Variants in FBXL12 observed in about 807,000 individuals in gnomAD.
FBXL12 encodes the protein F-box/LRR-repeat protein 12.
A neutral mutation model predicts 24.9 loss-of-function variants in FBXL12; 22 were observed. The ratio of observed to expected loss-of-function variants is 0.88; its 90% CI spans 0.63 to 1.26. The LOEUF (loss-of-function observed/expected upper bound fraction) is 1.26. FBXL12 is among the 50% of genes most tolerant of loss of function. FBXL12 has a pLI of 0.00. For synonymous variants in FBXL12, 193 were observed against 193.8 expected, an observed-to-expected ratio of 1.00 and a Z score of 0.03; for missense variants, 384 against 434.1, an observed-to-expected ratio of 0.88 and a Z score of 1.03.
chr19:9,818,952 A>T lies in FBXL12; in HGVS notation c.-139T>A, dbSNP rs1490997876. ...TTGACCTTCCTCTCGCTGGGAAGTG[A>T]TTCGGTCCCAGGGCCGGACCAGCCG... On this transcript the variant is annotated 5_prime_UTR_variant, in exon 1 of 3. Coordinates refer to ENST00000247977, the MANE Select transcript of FBXL12 (RefSeq NM_017703.3). 1.2e-6 allele frequency: 1 copy of T among 809,768 alleles called. No individual in the cohort carries two copies. Among genetic ancestry groups the T allele is most frequent in the Non-Finnish European group, 2.0e-6 (1 of 508,024 alleles). 50.2% of individuals were successfully genotyped at this position (809,768 alleles called of 1,614,324 possible). A position where few individuals can be genotyped will look rare whatever the true frequency, so the allele number is the denominator to read the frequency against.
intron 2 of FBXL12, chr19:9,813,329 GGT>G (rs1312740151): frequency 9.2e-7 from 1 of 1,087,816 alleles, no homozygotes; most frequent in Non-Finnish European, 1.2e-6. Flanking sequence ...TGCTTACAAA[GGT>G]GTTTCTTTTC....
rs1178478048 is a variant in FBXL12 at position 9,818,853 on chromosome 19, C to G, written c.-40G>C. The G allele has an allele frequency of 3.9e-6, 6 of 1,524,636 alleles. No homozygotes were observed. Among genetic ancestry groups the G allele is most frequent in the Middle Eastern group, 1.7e-4 (1 of 5,918 alleles). 94.4% of individuals were successfully genotyped at this position (1,524,636 alleles called of 1,614,324 possible). A position where few individuals can be genotyped will look rare whatever the true frequency, so the allele number is the denominator to read the frequency against. On this transcript the variant is annotated 5_prime_UTR_variant, in exon 1 of 3. Coordinates refer to ENST00000247977, the MANE Select transcript of FBXL12 (RefSeq NM_017703.3). ...GCACTTCCGCTTCCGGTTAAAGAGA[C>G]CCGAGGGGTCCTGGGGGCGCCGAGG...
rs949935287 is a variant in FBXL12 at position 9,811,308 on chromosome 19, G to A, written c.569C>T (p.Thr190Ile). The A allele has an allele frequency of 3.1e-6, 5 of 1,608,924 alleles. No individual in the cohort carries two copies. The highest frequency in any genetic ancestry group is 4.2e-6 in the Non-Finnish European group (5 of 1,179,976). ...CAGGCCAGCATCCAGCCCTGTCTCGGTCACACGGTAGGTACCACCCAGCAC... is the reference window on the plus strand; with the variant it reads ...CAGGCCAGCATCCAGCCCTGTCTCGATCACACGGTAGGTACCACCCAGCAC... ...SLVLGGTYRV[T>I]ETGLDAGLQE... The change falls in exon 3 of 3, where the codon ACC (threonine) becomes ATC (isoleucine). Residue 190 changes from threonine to isoleucine, a missense_variant. Transcript: ENST00000247977. The surrounding 1 kb of genome is among the most constrained non-coding windows in gnomAD (Gnocchi z 6.0).
chr19:9,815,023 C>T (rs1329005408), intron 2 of FBXL12, among the ~76,000 whole-genome samples: 6 of 152,118 alleles, frequency 3.9e-5, no homozygotes, highest in Admixed American at 3.3e-4. Flanking sequence ...CAGCATTAAC[C>T]CAAAAGTCCA....
rs150151717 is a variant in FBXL12, at chr19:9,810,917, C to G, written c.960G>C (p.Glu320Asp). Residue 320 changes from glutamate (E) to aspartate (D), a missense_variant, in exon 3 of 3, where the codon GAG becomes GAC. Transcript: ENST00000247977. ...CMVIVRACPK[E>D]SMDWWM ...GTAGTTACATCCACCAGTCCATAGA[C>G]TCTTTGGGGCAAGCCCTGACGATGA... 1.3e-4 allele frequency: 207 copies of G among 1,593,656 alleles called. No homozygotes were observed. The African/African-American group carries it at 2.6e-3, about 20-fold the overall frequency.
At chr19:9,817,004 C>T (rs1304444911) in intron 2 of FBXL12, among the ~76,000 whole-genome samples, 2 of 152,152 alleles carry the variant, frequency 1.3e-5, no homozygotes, top group Admixed American at 6.6e-5. Context: ...TCTTGTGAGA[C>T]TTATTCACTA....
At chr19:9,813,402 T>A (rs2045805211) in intron 2 of FBXL12, 1 of 467,228 alleles carries the variant, frequency 2.1e-6, no homozygotes, top group Admixed American at 4.6e-5. Context: ...AATGGCACGA[T>A]CTCAGTCACC....
In FBXL12 at chr19:9,811,573, G is replaced by C; in HGVS notation, c.304C>G (p.Pro102Ala). 6.3e-7 allele frequency: 1 copy of C among 1,592,084 alleles called. No homozygotes were observed. The highest frequency in any genetic ancestry group is 8.6e-7 in the Non-Finnish European group (1 of 1,167,164). The change falls in exon 3 of 3, where the codon CCC becomes GCC. Residue 102 changes from proline (P) to alanine (A), a missense_variant. Physicochemically the swap from Pro to Ala is conservative, Grantham distance 27 (BLOSUM62 -1). Transcript: ENST00000247977. The surrounding 1 kb of genome is among the most constrained non-coding windows in gnomAD (Gnocchi z 6.0). ...TGCAGGCAGAGGCGCTTCAGGTTGGGGCACTTCTGGCCCAGGGCTCTCAAC... is the reference window on the plus strand; with the variant it reads ...TGCAGGCAGAGGCGCTTCAGGTTGGCGCACTTCTGGCCCAGGGCTCTCAAC... ...ALLRALGQKC[P>A]NLKRLCLHVA...
intron 2 of FBXL12, among the ~76,000 whole-genome samples, chr19:9,816,771 G>T (rs1204618856): frequency 6.6e-6 from 1 of 152,052 alleles, no homozygotes; most frequent in East Asian, 1.9e-4. Context: ...TTTCAGCAAC[G>T]CCCCACTTAC....
chr19:9,817,772 C>T lies in FBXL12; in HGVS notation c.159+773G>A, dbSNP rs200015003. Among the ~76,000 whole-genome samples, 9 of 152,288 alleles carry T rather than the reference C, an allele frequency of 5.9e-5. No individual in the cohort carries two copies. In the East Asian group the frequency reaches 1.7e-3, roughly 29 times the overall value. On this transcript the variant is annotated intron_variant, in intron 2 of 2. Transcript: ENST00000247977. ...GAACACTATCTAAATAGTAGAACAGCATTACCCGAAGTTCAGAAATACATT... is the reference window on the plus strand; with the variant it reads ...GAACACTATCTAAATAGTAGAACAGTATTACCCGAAGTTCAGAAATACATT...
Position 9,818,740 on chromosome 19 carries a change from A to C in FBXL12, c.74T>G (p.Ile25Ser), listed in dbSNP as rs1260653370. The C allele has an allele frequency of 1.3e-6, 2 of 1,548,400 alleles. No individual in the cohort carries two copies. The highest frequency in any genetic ancestry group is 1.7e-6 in the Non-Finnish European group (2 of 1,143,658). ...IFSYLPVRDRIRISRVCHRWK... is the reference protein window; with the variant it reads ...IFSYLPVRDRSRISRVCHRWK... Reference sequence around the variant, plus strand: ...GGCGGGGCCGCACCTGGAGATGCGGATCCGGTCCCGTACCGGGAGGTAAGA... The same window carrying C: ...GGCGGGGCCGCACCTGGAGATGCGGCTCCGGTCCCGTACCGGGAGGTAAGA... The change falls in exon 1 of 3, where the codon ATC (isoleucine) becomes AGC (serine). Residue 25 changes from isoleucine to serine, a missense_variant. Physicochemically the swap from Ile to Ser is moderately radical, Grantham distance 142. Transcript: ENST00000247977.
chr19:9,818,193 C>A (rs879617839), intron 2 of FBXL12: 10 of 429,660 alleles, frequency 2.3e-5, no homozygotes, highest in Non-Finnish European at 3.7e-5. Context: ...CAGAGCGAGA[C>A]TCTGTCTCAA....
intron 2 of FBXL12, chr19:9,814,601 G>A (rs1160788612): frequency 6.6e-6 from 1 of 151,024 alleles, no homozygotes; most frequent in Admixed American, 6.6e-5. Context: ...GGAGGCTGAG[G>A]CAGGGGAATC....
chr19:9,812,531 A>G (rs1355099241), intron 2 of FBXL12, among the ~76,000 whole-genome samples: 4 of 80,968 alleles, frequency 4.9e-5, no homozygotes, highest in Non-Finnish European at 9.2e-5. Flanking sequence ...ACTCTGTCTC[A>G]AAAAAAAAAA....
At position 9,811,160 on chromosome 19, in the gene FBXL12, G is replaced by T; in HGVS notation, c.717C>A (p.Gly239=). 1 of 1,607,258 alleles carries T rather than the reference G, an allele frequency of 6.2e-7. No individual in the cohort carries two copies. The highest frequency in any genetic ancestry group is 8.5e-7 in the Non-Finnish European group (1 of 1,174,428). ...DVRKIRLTVR[G]LSAPGLAVLE... ...GCACAGCCAGGCCAGGGGCAGAGAG[G>T]CCCCTCACGGTCAGCCGGATCTTGC... Residue 239 remains glycine (G), a synonymous_variant, in exon 3 of 3, where the codon GGC becomes GGA. Transcript: ENST00000247977. The surrounding 1 kb of genome is among the most constrained non-coding windows in gnomAD (Gnocchi z 6.0).
chr19:9,811,196 G>C lies in FBXL12; in HGVS notation c.681C>G (p.Leu227=). Residue 227 remains leucine (L), a synonymous_variant, in exon 3 of 3, where the codon CTC becomes CTG. Transcript: ENST00000247977. The surrounding 1 kb of genome is among the most constrained non-coding windows in gnomAD (Gnocchi z 6.0). The part of the protein sequence containing the change: ...DSTLLAISRH[L]RDVRKIRLTV... ...TCAGCCGGATCTTGCGCACATCTCG[G>C]AGGTGGCGGCTGATGGCCAGCAGGG... 6.2e-7 allele frequency: 1 copy of C among 1,613,348 alleles called. No individual in the cohort carries two copies.
chr19:9,811,238 G>C lies in FBXL12; in HGVS notation c.639C>G (p.Thr213=), dbSNP rs2145363170. 6.2e-7 allele frequency: 1 copy of C among 1,612,890 alleles called. No individual in the cohort carries two copies. The highest frequency in any genetic ancestry group is 8.5e-7 in the Non-Finnish European group (1 of 1,179,998). The change falls in exon 3 of 3, where the codon ACC becomes ACG. Residue 213 remains threonine (T), a synonymous_variant. Coordinates refer to ENST00000247977, the MANE Select transcript of FBXL12 (RefSeq NM_017703.3). This position sits in a 1 kb window ranked among gnomAD's most constrained non-coding sequence, Gnocchi z 6.0. ...CCAGCAGGGTGCTGTCGGCAGACAG[G>C]GTGCAGCCCAGCACCTCAAGCCTCT... ...YLQRLEVLGC[T]LSADSTLLAI...
intron 2 of FBXL12, chr19:9,813,556 C>A (rs2045810255): frequency 1.1e-5 from 2 of 190,300 alleles, no homozygotes; most frequent in Admixed American, 6.4e-5. Flanking sequence ...GGCTGGAGTG[C>A]AGTAGCGCAA....
chr19:9,814,314 C>T (rs1488974286), intron 2 of FBXL12: 1 of 152,246 alleles, frequency 6.6e-6, no homozygotes, highest in African/African-American at 2.4e-5. Flanking sequence ...TGAGACCATC[C>T]TGGCCAACAT....
Sources: gnomAD v4.1 joint callset for allele counts (sites outside exome capture counted in the v4.1 genomes callset) on GRCh38, gnomAD v4.1.1 for gene constraint, Gnocchi (gnomAD v3.1) non-coding constraint, MANE v1.5 for transcripts, NCBI Gene and HGNC (gene_info 2026-07-23, HGNC 2026-07-21) for gene names.